The following RASAL2 variants were observed in gnomAD, a reference collection of about 807,000 sequenced individuals.
RASAL2 encodes the protein RAS protein activator like 2, also known as ras GTPase-activating protein nGAP.
In RASAL2, 58 loss-of-function variants were observed where a neutral mutation model predicts 128.9. That is an observed-to-expected ratio of 0.45 (90% confidence interval 0.36 to 0.56). The LOEUF is 0.56. RASAL2 is among the 20% of genes least tolerant of loss of function. The pLI, the probability that RASAL2 is intolerant of heterozygous loss-of-function variation, is 0.00. For missense variants in RASAL2, 1,360 were observed against 1,601.6 expected (o/e 0.85, Z 2.57); for synonymous variants, 561 against 580.8 (o/e 0.97, Z 0.49).
chr1:178,116,119 T>C (rs756499917), intron 1 of RASAL2, among the ~76,000 whole-genome samples: 4 of 152,238 alleles, frequency 2.6e-5, no homozygotes, highest in South Asian at 4.1e-4. Flanking sequence ...TTGGAGTCTT[T>C]CTTGATATCT....
At chr1:178,335,978 A>G (rs1476983307) in intron 3 of RASAL2, among the ~76,000 whole-genome samples, 2 of 151,784 alleles carry the variant, frequency 1.3e-5, no homozygotes, top group East Asian at 1.9e-4. Flanking sequence ...TTAGTATACC[A>G]TAGTGGTTAA....
chr1:178,114,589 T>C (rs1013969264), intron 1 of RASAL2, among the ~76,000 whole-genome samples: 14 of 151,976 alleles, frequency 9.2e-5, no homozygotes, highest in Non-Finnish European at 1.5e-5. Flanking sequence ...TGGCGGGATA[T>C]CTGCTCACTG....
At chr1:178,163,534 A>T (rs990032964) in intron 1 of RASAL2, among the ~76,000 whole-genome samples, 1 of 151,964 alleles carries the variant, frequency 6.6e-6, no homozygotes, top group East Asian at 1.9e-4. Flanking sequence ...TATCCTGTTA[A>T]CCCAACATCA....
chr1:178,270,296 TTC>T (rs1666187494), intron 1 of RASAL2, among the ~76,000 whole-genome samples: 1 of 152,142 alleles, frequency 6.6e-6, no homozygotes, highest in East Asian at 1.9e-4. Flanking sequence ...ATTTCCTCAT[TTC>T]TGTTTCTTCT....
intron 1 of RASAL2, among the ~76,000 whole-genome samples, chr1:178,128,203 CA>C (rs1659968658): frequency 6.6e-6 from 1 of 151,902 alleles, no homozygotes; most frequent in African/African-American, 2.4e-5. Flanking sequence ...CCTCAGAATT[CA>C]AAAAATTGAT....
intron 1 of RASAL2, among the ~76,000 whole-genome samples, chr1:178,228,482 C>T (rs971104077): frequency 6.6e-5 from 10 of 152,108 alleles, no homozygotes; most frequent in Admixed American, 5.9e-4. Flanking sequence ...ACTTGGGAGG[C>T]TGGGGCAGAG....
chr1:178,411,847 C>T lies in RASAL2; in HGVS notation c.565-8664C>T. On this transcript the variant is annotated intron_variant, in intron 4 of 17. Transcript: ENST00000367649. ...AGGTATCACTGCCCTACACGTCAAACTCTGGGCCACAGGAGGAAATAGGAC... is the reference window on the plus strand; with the variant it reads ...AGGTATCACTGCCCTACACGTCAAATTCTGGGCCACAGGAGGAAATAGGAC... 6.7e-6 allele frequency: 5 copies of T among 751,636 alleles called. No homozygotes were observed. The South Asian group carries it at 6.9e-5, about 10-fold the overall frequency. 46.6% of individuals were successfully genotyped at this position (751,636 alleles called of 1,614,324 possible).
At chr1:178,181,431 C>A (rs897596240) in intron 1 of RASAL2, among the ~76,000 whole-genome samples, 1 of 151,908 alleles carries the variant, frequency 6.6e-6, no homozygotes, top group African/African-American at 2.4e-5. Flanking sequence ...GATCTCAGCT[C>A]ACTGCAAGCT....
At chr1:178,430,907 T>G (rs1034773903) in intron 5 of RASAL2, among the ~76,000 whole-genome samples, 1 of 133,978 alleles carries the variant, frequency 7.5e-6, no homozygotes, top group African/African-American at 2.6e-5. Flanking sequence ...GGCAAAAAAG[T>G]ACACACACAC....
chr1:178,471,701 G>A (rs142841140), intron 17 of RASAL2, among the ~76,000 whole-genome samples: 75 of 152,212 alleles, frequency 4.9e-4, no homozygotes, highest in African/African-American at 1.3e-3. Flanking sequence ...CAGAAAGCAG[G>A]AGAGTAAAGG....
chr1:178,172,862 G>A lies in RASAL2; in HGVS notation c.202+78168G>A, dbSNP rs542026159. Among the ~76,000 whole-genome samples the A allele has an allele frequency of 1.4e-3, 209 of 150,758 alleles. 1 individual carries two copies. Among genetic ancestry groups the A allele is most frequent in the East Asian group, 1.7e-3 (9 of 5,174 alleles). ...CATTGGTGACATGATTTTTCAAAAA[G>A]GTCAACAACCTTGGTAAAGTTCCAA... On this transcript the variant is annotated intron_variant, in intron 1 of 17. Transcript: ENST00000367649.
chr1:178,121,570 C>G lies in RASAL2; in HGVS notation c.202+26876C>G, dbSNP rs554229931. On this transcript the variant is annotated intron_variant, in intron 1 of 17. Transcript: ENST00000367649. ...GCGTGATCTTGGCTCACTGCAACCT[C>G]CATCTCCCGGGTTCAGGTGATTCTC... Among the ~76,000 whole-genome samples the G allele has an allele frequency of 1.4e-4, 21 of 152,174 alleles. No individual in the cohort carries two copies. The South Asian group carries it at 4.2e-3, about 30-fold the overall frequency.
intron 3 of RASAL2, among the ~76,000 whole-genome samples, chr1:178,318,048 G>A (rs1668571499): frequency 6.6e-6 from 1 of 151,438 alleles, no homozygotes; most frequent in African/African-American, 2.4e-5. Flanking sequence ...ATTTCGTTAT[G>A]TACCCAGTAG....
chr1:178,386,625 G>A lies in RASAL2; in HGVS notation c.458-3475G>A, dbSNP rs995844978. Among the ~76,000 whole-genome samples the A allele has an allele frequency of 4.6e-5, 7 of 152,258 alleles. 1 individual carries two copies. Among genetic ancestry groups the A allele is most frequent in the Admixed American group, 1.3e-4 (2 of 15,294 alleles). ...AACTCTTTTTGCCTTTCAATCTGAA[G>A]ATGAAAAATATTATGTTTAGAGATG... On this transcript the variant is annotated intron_variant, in intron 3 of 17. Coordinates refer to ENST00000367649, the MANE Select transcript of RASAL2 (RefSeq NM_170692.4).
intron 3 of RASAL2, among the ~76,000 whole-genome samples, chr1:178,364,181 T>C (rs1417201827): frequency 1.3e-5 from 2 of 152,122 alleles, no homozygotes; most frequent in Non-Finnish European, 2.9e-5. Context: ...TTTACTTAAC[T>C]CTGTTGTAGT....
chr1:178,420,417 T>C (rs1675068374), intron 4 of RASAL2, 94 bp from the exon 5 acceptor site: 6 of 710,448 alleles, frequency 8.4e-6, no homozygotes, highest in African/African-American at 1.8e-5. Flanking sequence ...CTGGTCTTTA[T>C]TGTAAAAGTC....
chr1:178,416,952 TG>T (rs1348781097), intron 4 of RASAL2, among the ~76,000 whole-genome samples: 2 of 150,040 alleles, frequency 1.3e-5, no homozygotes, highest in Non-Finnish European at 3.0e-5. Flanking sequence ...AGTGTAGTTT[TG>T]GGGGTTGGGA....
chr1:178,313,107 A>G (rs953515268), intron 3 of RASAL2, among the ~76,000 whole-genome samples: 2 of 152,238 alleles, frequency 1.3e-5, no homozygotes, highest in Non-Finnish European at 2.9e-5. Flanking sequence ...TACAGTCTAC[A>G]TAGGATTTAC....
intron 3 of RASAL2, among the ~76,000 whole-genome samples, chr1:178,311,863 A>G (rs1169884133): frequency 1.3e-5 from 2 of 152,114 alleles, no homozygotes; most frequent in African/African-American, 4.8e-5. Flanking sequence ...AAGGGAAAAA[A>G]CAACTTGGAG....
Sources: gnomAD v4.1 joint callset for allele counts (sites outside exome capture counted in the v4.1 genomes callset) on GRCh38, gnomAD v4.1.1 for gene constraint, MANE v1.5 for transcripts, NCBI Gene and HGNC (gene_info 2026-07-23, HGNC 2026-07-21) for gene names.